Variants in ZFYVE9 observed in about 807,000 individuals in gnomAD.
ZFYVE9 encodes zinc finger FYVE domain-containing protein 9.
In ZFYVE9, 43 loss-of-function variants were observed where a neutral mutation model predicts 126.7. The observed-to-expected ratio is 0.34, with a 90% CI of 0.27 to 0.44. The LOEUF (loss-of-function observed/expected upper bound fraction) is 0.44, where lower values mean the gene tolerates loss of function less well. ZFYVE9 is among the 20% of genes least tolerant of loss of function. ZFYVE9 has a pLI of 1.00. For missense variants in ZFYVE9, 1,476 were observed against 1,697.0 expected (o/e 0.87, Z 2.29); for synonymous variants, 521 against 597.4 (o/e 0.87, Z 1.87).
At chr1:52,262,613 C>T (rs973066893) in intron 4 of ZFYVE9, among the ~76,000 whole-genome samples, 1 of 152,098 alleles carries the variant, frequency 6.6e-6, no homozygotes, top group African/African-American at 2.4e-5. Context: ...TGGGAGATAT[C>T]GAGCTTAACT....
At position 52,344,626 on chromosome 1, in the gene ZFYVE9, G is replaced by C. The variant is rs933033618; in HGVS notation, c.3940-142G>C. On this transcript the variant is annotated intron_variant, in intron 17 of 18. Coordinates refer to ENST00000287727, the MANE Select transcript of ZFYVE9 (RefSeq NM_004799.4). ...GGAAGACAAATGCCCAACTTTTCCTGGACCAGGGACTTTATGGTGTCCTGT... is the reference window on the plus strand; with the variant it reads ...GGAAGACAAATGCCCAACTTTTCCTCGACCAGGGACTTTATGGTGTCCTGT... 37 of 795,348 alleles carry C rather than the reference G, an allele frequency of 4.7e-5. No homozygotes were observed. In the East Asian group the frequency reaches 9.7e-4, roughly 21 times the overall value. 49.3% of individuals were successfully genotyped at this position (795,348 alleles called of 1,614,324 possible).
chr1:52,334,959 A>C (rs1404759990), intron 15 of ZFYVE9, 191 bp downstream of exon 15: 1 of 469,748 alleles, frequency 2.1e-6, no homozygotes, highest in Admixed American at 3.8e-5. Context: ...ACCATGTGAC[A>C]ATGACATTAA....
chr1:52,155,994 A>G (rs1237420536), intron 1 of ZFYVE9, among the ~76,000 whole-genome samples: 2 of 152,190 alleles, frequency 1.3e-5, no homozygotes, highest in Non-Finnish European at 2.9e-5. Context: ...CAAGTTCTTC[A>G]GTATGCTAGC....
chr1:52,314,693 G>A (rs1026511087), intron 13 of ZFYVE9, among the ~76,000 whole-genome samples: 3 of 152,056 alleles, frequency 2.0e-5, no homozygotes, highest in Non-Finnish European at 2.9e-5. Flanking sequence ...GGTGGCGCGC[G>A]CCTCTAGTCC....
intron 10 of ZFYVE9, among the ~76,000 whole-genome samples, chr1:52,290,348 C>T (rs1645906473): frequency 6.6e-6 from 1 of 152,188 alleles, no homozygotes; most frequent in African/African-American, 2.4e-5. Flanking sequence ...TCTCATGAGG[C>T]CTTGCCTCCT....
At chr1:52,297,111 G>C (rs1302397500) in intron 12 of ZFYVE9, among the ~76,000 whole-genome samples, 2 of 151,920 alleles carry the variant, frequency 1.3e-5, no homozygotes, top group Non-Finnish European at 1.5e-5. Flanking sequence ...CAGCTGCAAA[G>C]CTCATTGTTT....
intron 4 of ZFYVE9, among the ~76,000 whole-genome samples, chr1:52,246,332 T>A (rs1296274671): frequency 6.6e-6 from 1 of 152,216 alleles, no homozygotes; most frequent in African/African-American, 2.4e-5. Flanking sequence ...TTTTGAATAG[T>A]TATGTGTTAA....
rs1646268289 is a variant in ZFYVE9 at position 52,324,154 on chromosome 1, TGGGAGGCTCACTTGAGC to T, written c.3439-8613_3439-8597del. On this transcript the variant is annotated intron_variant, in intron 13 of 18. Coordinates refer to ENST00000287727, the MANE Select transcript of ZFYVE9 (RefSeq NM_004799.4). ...AGTCTGTGTACCTGGGAGGCTGAGG[TGGGAGGCTCACTTGAGC>T]CCAAGAGTTGGAGACTGCAGTAAGC... 5.3e-5 allele frequency among the ~76,000 whole-genome samples: 8 copies of T among 151,552 alleles called. No individual in the cohort carries two copies. In the South Asian group the frequency reaches 1.7e-3, roughly 32 times the overall value.
chr1:52,196,940 G>A (rs1644866137), intron 1 of ZFYVE9, among the ~76,000 whole-genome samples: 1 of 152,048 alleles, frequency 6.6e-6, no homozygotes. Context: ...GTCTTAGTAA[G>A]GAGTCTTGAT....
At chr1:52,251,548 A>G (rs1645446708) in intron 4 of ZFYVE9, among the ~76,000 whole-genome samples, 1 of 152,162 alleles carries the variant, frequency 6.6e-6, no homozygotes, top group Non-Finnish European at 1.5e-5. Context: ...CCAGTAATAA[A>G]TATCACTTGG....
intron 1 of ZFYVE9, among the ~76,000 whole-genome samples, chr1:52,151,005 T>G (rs1644351693): frequency 6.6e-6 from 1 of 151,642 alleles, no homozygotes; most frequent in Admixed American, 6.6e-5. Flanking sequence ...TTTTTTTTTT[T>G]TAGTAGTAGT....
At chr1:52,171,499 C>A (rs1644569017) in intron 1 of ZFYVE9, among the ~76,000 whole-genome samples, 2 of 152,150 alleles carry the variant, frequency 1.3e-5, no homozygotes, top group African/African-American at 4.8e-5. Flanking sequence ...ATTTATAGTC[C>A]TTTGGGTATA....
chr1:52,318,777 A>G (rs1473496773), intron 13 of ZFYVE9, among the ~76,000 whole-genome samples: 3 of 152,084 alleles, frequency 2.0e-5, no homozygotes, highest in Non-Finnish European at 4.4e-5. Flanking sequence ...TATACTAGCA[A>G]TGAACAATTG....
chr1:52,320,224 C>T (rs1172679627), intron 13 of ZFYVE9, among the ~76,000 whole-genome samples: 1 of 151,882 alleles, frequency 6.6e-6, no homozygotes, highest in Non-Finnish European at 1.5e-5. Flanking sequence ...GCACATGCCA[C>T]CACGCCCAGC....
At chr1:52,160,579 A>C (rs1198567377) in intron 1 of ZFYVE9, 1 of 736,382 alleles carries the variant, frequency 1.4e-6, no homozygotes, top group Non-Finnish European at 2.5e-6. Flanking sequence ...TCACATTACC[A>C]ATACATTCAA....
chr1:52,285,412 GC>G (rs1645848463), intron 10 of ZFYVE9, among the ~76,000 whole-genome samples: 1 of 152,138 alleles, frequency 6.6e-6, no homozygotes, highest in Non-Finnish European at 1.5e-5. Context: ...GAGGTGAGGG[GC>G]AGGCAAGCAA....
intron 1 of ZFYVE9, among the ~76,000 whole-genome samples, chr1:52,170,656 A>G (rs1403249947): frequency 2.0e-5 from 3 of 152,080 alleles, no homozygotes; most frequent in Admixed American, 6.5e-5. Flanking sequence ...GCTGTATCCC[A>G]TAGGTTTCGG....
At chr1:52,265,142 G>A (rs2147799042) in intron 5 of ZFYVE9, among the ~76,000 whole-genome samples, 1 of 152,290 alleles carries the variant, frequency 6.6e-6, no homozygotes, top group East Asian at 1.9e-4. Context: ...AAGCCAAGGA[G>A]GCCCTTAACA....
intron 13 of ZFYVE9, among the ~76,000 whole-genome samples, chr1:52,328,412 TG>T (rs1277396779): frequency 1.3e-5 from 2 of 152,254 alleles, no homozygotes; most frequent in Non-Finnish European, 2.9e-5. Flanking sequence ...GTTTGTTTTA[TG>T]GTCAGTAAGG....
Sources: gnomAD v4.1 joint callset for allele counts (sites outside exome capture counted in the v4.1 genomes callset) on GRCh38, gnomAD v4.1.1 for gene constraint, MANE v1.5 for transcripts, NCBI Gene and HGNC (gene_info 2026-07-23, HGNC 2026-07-21) for gene names.